The following LRRK1 variants were observed in gnomAD, a reference collection of about 807,000 sequenced individuals.
LRRK1 encodes the protein leucine-rich repeat serine/threonine-protein kinase 1.
A neutral mutation model predicts 209.1 loss-of-function variants in LRRK1; 113 were observed. The observed-to-expected ratio is 0.54, with a 90% CI of 0.46 to 0.63. The LOEUF (loss-of-function observed/expected upper bound fraction) is 0.63. Among genes scored for constraint, LRRK1 ranks in the 30% least tolerant of loss-of-function variants. LRRK1 has a pLI of 0.00. For missense variants in LRRK1, 2,284 were observed against 2,632.2 expected (o/e 0.87, Z 2.89); for synonymous variants, 1,144 against 1,099.7 (o/e 1.04, Z -0.80).
chr15:101,000,078 C>T (rs1026829962), intron 6 of LRRK1, among the ~76,000 whole-genome samples: 3 of 152,282 alleles, frequency 2.0e-5, no homozygotes, highest in African/African-American at 4.8e-5. Flanking sequence ...TTATCTCATT[C>T]AGTCTTTTAT....
intron 16 of LRRK1, among the ~76,000 whole-genome samples, chr15:101,025,709 G>A (rs1178841973): frequency 6.6e-6 from 1 of 152,200 alleles, no homozygotes; most frequent in Non-Finnish European, 1.5e-5. Flanking sequence ...ATTACTGCAG[G>A]AAGGTGCCAA....
chr15:101,011,964 A>T, intron 9 of LRRK1, 44 bp from the exon 10 acceptor site: 1 of 1,449,480 alleles, frequency 6.9e-7, no homozygotes. Context: ...ACTGCATTTA[A>T]AGAGCTAACT....
rs755042125 is a variant in LRRK1, at chr15:101,049,631, C to G, written c.3300-13C>G. On this transcript the variant is annotated splice_polypyrimidine_tract_variant and intron_variant, in intron 22 of 33. Transcript: ENST00000388948. ...CAGATCGCAATGGGCTCCTTTTGGT[C>G]TCTGGATTGCAGTGTGGAATCTTCC... 1 of 1,612,210 alleles carries G rather than the reference C, an allele frequency of 6.2e-7. No homozygotes were observed. The highest frequency in any genetic ancestry group is 8.5e-7 in the Non-Finnish European group (1 of 1,179,076).
Position 101,055,121 on chromosome 15 carries a change from C to A in LRRK1, c.4230C>A (p.Tyr1410Ter), listed in dbSNP as rs41527944. 1 of 1,613,736 alleles carries A rather than the reference C, an allele frequency of 6.2e-7. No homozygotes were observed. The highest frequency in any genetic ancestry group is 1.3e-5 in the African/African-American group (1 of 74,932). The change falls in exon 27 of 34, where the codon TAC becomes TAA. Residue 1410 changes from tyrosine to a stop codon, truncating the protein, a stop_gained. Coordinates refer to ENST00000388948, the MANE Select transcript of LRRK1 (RefSeq NM_024652.6). LOFTEE classifies it high-confidence loss of function. ...ACATCAACATCAAGCTATCTGACTA[C>A]GGGATTTCGAGGCAGTCATTCCATG... ...KEHINIKLSD[Y>*]GISRQSFHEG...
chr15:101,026,050 C>A lies in LRRK1; in HGVS notation c.2318C>A (p.Thr773Lys). The change falls in exon 17 of 34, where the codon ACG becomes AAG. Residue 773 changes from threonine (T) to lysine (K), a missense_variant. Around this residue, in one of 6 missense-constraint regions of LRRK1, gnomAD observed 780 missense variants for 985.2 expected, o/e 0.79. Transcript: ENST00000388948. ...EAKFRVERIA[T>K]LRAYVLALCR... Reference sequence around the variant, plus strand: ...AAGTTCCGTGTGGAAAGGATTGCAACGCTGCGTGCCTATGTGCTGGCACTC... The same window carrying A: ...AAGTTCCGTGTGGAAAGGATTGCAAAGCTGCGTGCCTATGTGCTGGCACTC... 6.2e-7 allele frequency: 1 copy of A among 1,614,244 alleles called. No homozygotes were observed. Among genetic ancestry groups the A allele is most frequent in the Non-Finnish European group, 8.5e-7 (1 of 1,180,034 alleles).
At chr15:100,975,327 C>G (rs758084633) in intron 3 of LRRK1, among the ~76,000 whole-genome samples, 1 of 152,096 alleles carries the variant, frequency 6.6e-6, no homozygotes, top group Admixed American at 6.6e-5. Flanking sequence ...GAGATGCTGA[C>G]GGGGGAAGAT....
intron 13 of LRRK1, chr15:101,021,638 G>A: frequency 1.8e-6 from 1 of 555,574 alleles, no homozygotes; most frequent in South Asian, 2.4e-5. Context: ...TAAGCCGTGG[G>A]GATTTGCAGA....
In LRRK1 at chr15:101,075,946, T is replaced by C. The variant is rs1226765424; in HGVS notation, c.*7098T>C. 1.3e-5 allele frequency: 2 copies of C among 152,242 alleles called. No homozygotes were observed. Among genetic ancestry groups the C allele is most frequent in the Non-Finnish European group, 2.9e-5 (2 of 68,118 alleles). The allele number at this position is 152,242 out of a possible 1,614,324, so 9.4% of individuals were successfully genotyped here. ...CCCCATTACATCAGTCAAGCCCAAA[T>C]TTTTTCCCTATCTGTTACCTATCTC... On this transcript the variant is annotated 3_prime_UTR_variant, in exon 34 of 34. Transcript: ENST00000388948.
chr15:101,038,092 C>T lies in LRRK1; in HGVS notation c.2964-7889C>T, dbSNP rs146326733. On this transcript the variant is annotated intron_variant, in intron 20 of 33. Transcript: ENST00000388948. The stretch of plus-strand genomic sequence containing the variant: ...GCAGCAACCTGGATGAATTGGAGAC[C>T]ATTATTGTAAGTGAAGTAACTCAGG... 2.2e-3 allele frequency among the ~76,000 whole-genome samples: 332 copies of T among 152,198 alleles called. 1 individual carries two copies. The highest frequency in any genetic ancestry group is 2.9e-3 in the Non-Finnish European group (198 of 68,010).
intron 2 of LRRK1, among the ~76,000 whole-genome samples, chr15:100,947,554 A>G (rs1259708927): frequency 6.6e-6 from 1 of 152,214 alleles, no homozygotes; most frequent in Non-Finnish European, 1.5e-5. Flanking sequence ...AAAAGAACTT[A>G]TTGAGCAGAA....
At chr15:100,951,243 C>T (rs2042645741) in intron 2 of LRRK1, among the ~76,000 whole-genome samples, 1 of 152,106 alleles carries the variant, frequency 6.6e-6, no homozygotes, top group Non-Finnish European at 1.5e-5. Flanking sequence ...CATGAGATAC[C>T]ACTTCACACC....
rs373994661 is a variant in LRRK1, at chr15:100,975,521, G to A, written c.261+1554G>A. 1.6e-4 allele frequency among the ~76,000 whole-genome samples: 25 copies of A among 152,332 alleles called. 2 individuals are homozygous for A. Among genetic ancestry groups the A allele is most frequent in the Admixed American group, 7.8e-4 (12 of 15,302 alleles). On this transcript the variant is annotated intron_variant, in intron 3 of 33. Coordinates refer to ENST00000388948, the MANE Select transcript of LRRK1 (RefSeq NM_024652.6). The stretch of plus-strand genomic sequence containing the variant: ...TCATGGACAGTGGCAACTCAAAATC[G>A]AGAAGGTTCCTAGAAAGCTGCCTCT...
At position 101,058,665 on chromosome 15, in the gene LRRK1, G is replaced by A. The variant is rs112874928; in HGVS notation, c.4679+524G>A. Among the ~76,000 whole-genome samples, 919 of 150,308 alleles carry A rather than the reference G, an allele frequency of 6.1e-3. 10 individuals are homozygous for A. Among genetic ancestry groups the A allele is most frequent in the African/African-American group, 0.022 (884 of 40,348 alleles). ...TTGGGGTTTTGCCAAAGGGAGAGAGGGGCAGAGGCATTGGGGTGTTTTCAA... is the reference window on the plus strand; with the variant it reads ...TTGGGGTTTTGCCAAAGGGAGAGAGAGGCAGAGGCATTGGGGTGTTTTCAA... On this transcript the variant is annotated intron_variant, in intron 29 of 33. Transcript: ENST00000388948.
At chr15:100,984,017 G>T (rs563935944) in intron 4 of LRRK1, among the ~76,000 whole-genome samples, 1 of 152,132 alleles carries the variant, frequency 6.6e-6, no homozygotes, top group Non-Finnish European at 1.5e-5. Flanking sequence ...TGGAATGTAC[G>T]GAGTTCCAGA....
chr15:101,057,014 G>A lies in LRRK1; in HGVS notation c.4491G>A (p.Ala1497=), dbSNP rs202198743. 1.4e-4 allele frequency: 230 copies of A among 1,613,328 alleles called. No homozygotes were observed. Among genetic ancestry groups the A allele is most frequent in the Admixed American group, 9.8e-4 (59 of 59,932 alleles). The change falls in exon 28 of 34, where the codon GCG becomes GCA. Residue 1497 remains alanine (A), a synonymous_variant. Coordinates refer to ENST00000388948, the MANE Select transcript of LRRK1 (RefSeq NM_024652.6). ...PEEVQFRRLQ[A]LMMECWDTKP... ...AAGTGCAGTTCCGGCGACTGCAGGC[G>A]CTCATGATGGAGTGCTGGGACACTA...
At position 101,011,996 on chromosome 15, in the gene LRRK1, T is replaced by A. The variant is rs368451396; in HGVS notation, c.1282-12T>A. ...AACTAATATACATTTTTTTTTCTCG[T>A]CAATCTCTTAGAAATGTTGTAAAGC... On this transcript the variant is annotated splice_polypyrimidine_tract_variant and intron_variant, in intron 9 of 33. Coordinates refer to ENST00000388948, the MANE Select transcript of LRRK1 (RefSeq NM_024652.6). The A allele has an allele frequency of 6.3e-7, 1 of 1,581,456 alleles. No individual in the cohort carries two copies. Among genetic ancestry groups the A allele is most frequent in the Non-Finnish European group, 8.6e-7 (1 of 1,166,926 alleles).
intron 20 of LRRK1, among the ~76,000 whole-genome samples, chr15:101,032,474 AAT>A (rs970414673): frequency 2.1e-5 from 3 of 143,304 alleles, no homozygotes; most frequent in African/African-American, 7.8e-5. Flanking sequence ...ATGATTTGCA[AAT>A]ATTTTCTCCC....
At chr15:100,998,018 C>T (rs1050945410) in intron 6 of LRRK1, among the ~76,000 whole-genome samples, 3 of 151,966 alleles carry the variant, frequency 2.0e-5, no homozygotes, top group African/African-American at 2.4e-5. Flanking sequence ...CCCGTCTCTA[C>T]TAAAAATACA....
At chr15:100,942,559 T>C (rs1168113748) in intron 2 of LRRK1, among the ~76,000 whole-genome samples, 1 of 152,252 alleles carries the variant, frequency 6.6e-6, no homozygotes, top group Admixed American at 6.5e-5. Flanking sequence ...CATTTCCAAA[T>C]GTGTGTACAC....
Sources: allele counts gnomAD v4.1 joint callset (sites outside exome capture counted in the v4.1 genomes callset), GRCh38; gene constraint gnomAD v4.1.1; regional missense constraint gnomAD v4.1.1; transcripts MANE v1.5; gene names NCBI Gene and HGNC (gene_info 2026-07-23, HGNC 2026-07-21).